Variants in XDH observed in about 807,000 individuals in gnomAD.
The protein encoded by XDH is xanthine dehydrogenase.
A neutral mutation model predicts 156.1 loss-of-function variants in XDH; 138 were observed. The ratio of observed to expected loss-of-function variants is 0.88; its 90% CI spans 0.77 to 1.02. The LOEUF is 1.02. Ranked by LOEUF, XDH falls within the 50% of genes least tolerant of loss-of-function variation. XDH has a pLI of 0.00. For synonymous variants in XDH, 669 were observed against 625.7 expected (o/e 1.07, Z -1.03); for missense variants, 1,849 against 1,684.9 (o/e 1.10, Z -1.71).
intron 11 of XDH, among the ~76,000 whole-genome samples, chr2:31,382,739 C>T (rs200162024): frequency 7.9e-5 from 12 of 152,126 alleles, no homozygotes; most frequent in East Asian, 5.8e-4. Context: ...GCCTATGAGT[C>T]GTGGAGTGCA....
intron 26 of XDH, among the ~76,000 whole-genome samples, chr2:31,349,337 C>G (rs1277087286): frequency 6.6e-6 from 1 of 152,206 alleles, no homozygotes; most frequent in Non-Finnish European, 1.5e-5. Context: ...AACTGAGGCC[C>G]AGGGACTCCC....
chr2:31,407,388 T>C (rs1272759516), intron 1 of XDH, among the ~76,000 whole-genome samples: 2 of 152,130 alleles, frequency 1.3e-5, no homozygotes, highest in Non-Finnish European at 1.5e-5. Flanking sequence ...ATGCAAGCCA[T>C]TCATGAGATA....
intron 30 of XDH, among the ~76,000 whole-genome samples, chr2:31,345,403 C>A (rs986983875): frequency 3.3e-5 from 5 of 152,148 alleles, no homozygotes; most frequent in African/African-American, 1.2e-4. Context: ...CATCCTATCC[C>A]TTGGACTATA....
At chr2:31,363,168 C>T (rs541532704) in intron 24 of XDH, among the ~76,000 whole-genome samples, 1 of 152,154 alleles carries the variant, frequency 6.6e-6, no homozygotes, top group African/African-American at 2.4e-5. Context: ...AAAAATTAGC[C>T]AGGCATAGGG....
chr2:31,395,334 A>G (rs1686874111), intron 6 of XDH, among the ~76,000 whole-genome samples: 1 of 152,056 alleles, frequency 6.6e-6, no homozygotes, highest in Non-Finnish European at 1.5e-5. Context: ...CCCTTCCCAC[A>G]GGTGAAAGAC....
At chr2:31,338,342 T>C (rs1330892058) in intron 34 of XDH, among the ~76,000 whole-genome samples, 2 of 152,210 alleles carry the variant, frequency 1.3e-5, no homozygotes, top group South Asian at 2.1e-4. Flanking sequence ...AGACCACCTA[T>C]ATCAGAATCA....
Position 31,341,310 on chromosome 2 carries a change from T to C in XDH, c.3585+19A>G, listed in dbSNP as rs1483205353. 6.4e-7 allele frequency: 1 copy of C among 1,560,334 alleles called. No individual in the cohort carries two copies. The highest frequency in any genetic ancestry group is 8.7e-7 in the Non-Finnish European group (1 of 1,150,392). On this transcript the variant is annotated intron_variant, in intron 33 of 35. Transcript: ENST00000379416. ...TCGGTGGCCAAGTCTGTCACCACCC[T>C]GGTCCCACTGAGCCTCACCTGTCCA...
chr2:31,370,280 G>T, intron 18 of XDH, 75 bp downstream of exon 18: 2 of 1,550,884 alleles, frequency 1.3e-6, no homozygotes. Context: ...CAGATCAGGA[G>T]TTTGGAGCAA....
intron 1 of XDH, 27 bp from the exon 2 acceptor site, chr2:31,405,991 T>C (rs768372824): frequency 1.9e-6 from 3 of 1,607,970 alleles, no homozygotes; most frequent in Non-Finnish European, 2.6e-6. Flanking sequence ...AAGAAAAATA[T>C]ATCATAGGTA....
At chr2:31,341,479 T>G in intron 32 of XDH, 85 bp from the exon 33 acceptor site, 1 of 1,391,610 alleles carries the variant, frequency 7.2e-7, no homozygotes, top group Non-Finnish European at 1.0e-6. Flanking sequence ...ACCCTCAGAC[T>G]ACAAGTGCCA....
intron 29 of XDH, among the ~76,000 whole-genome samples, chr2:31,347,201 C>T (rs1028096083): frequency 7.2e-5 from 11 of 152,186 alleles, no homozygotes; most frequent in African/African-American, 2.7e-4. Flanking sequence ...CCTCTATAAT[C>T]AAATTTCAGC....
intron 6 of XDH, among the ~76,000 whole-genome samples, chr2:31,392,486 G>T (rs979253483): frequency 6.6e-6 from 1 of 151,770 alleles, no homozygotes; most frequent in Non-Finnish European, 1.5e-5. Context: ...GTGCAATGGC[G>T]CAATCTTGGC....
At chr2:31,389,720 T>C (rs1373718942) in intron 6 of XDH, 1 of 152,168 alleles carries the variant, frequency 6.6e-6, no homozygotes, top group Non-Finnish European at 1.5e-5. Flanking sequence ...ATTACTGTGA[T>C]GTACAGTAAT....
In XDH at chr2:31,390,445, C is replaced by T. The variant is rs45557137; in HGVS notation, c.496-2150G>A. ...CATCTTGGTTGCATCTAAGTTTTGG[C>T]AATTATGAGTAAGGTTGTTGTAAGC... On this transcript the variant is annotated intron_variant, in intron 6 of 35. Coordinates refer to ENST00000379416, the MANE Select transcript of XDH (RefSeq NM_000379.4). Among the ~76,000 whole-genome samples, 615 of 152,290 alleles carry T rather than the reference C, an allele frequency of 4.0e-3. 4 individuals are homozygous for T. Among genetic ancestry groups the T allele is most frequent in the African/African-American group, 0.014 (592 of 41,556 alleles).
chr2:31,410,970 T>C (rs1017078576), intron 1 of XDH, among the ~76,000 whole-genome samples: 13 of 152,174 alleles, frequency 8.5e-5, no homozygotes, highest in African/African-American at 3.1e-4. Context: ...TTTCTATAAA[T>C]GGACTACAGT....
At chr2:31,388,428 G>T in intron 6 of XDH, 133 bp from the exon 7 acceptor site, 1 of 988,730 alleles carries the variant, frequency 1.0e-6, no homozygotes, top group Non-Finnish European at 1.6e-6. Flanking sequence ...GGGGCATCCT[G>T]CCTGCCTGTT....
intron 7 of XDH, 152 bp from the exon 8 acceptor site, chr2:31,388,049 AGT>A: frequency 9.1e-7 from 1 of 1,102,668 alleles, no homozygotes; most frequent in Non-Finnish European, 1.3e-6. Context: ...GGAATGAGAG[AGT>A]CTCAGTTACA....
At chr2:31,339,381 T>TCCTCAAGTCAAACC (rs1685058865) in intron 34 of XDH, 108 bp downstream of exon 34, 1 of 1,442,508 alleles carries the variant, frequency 6.9e-7, no homozygotes, top group Admixed American at 1.7e-5. Context: ...CTCCTCAAGA[T>TCCTCAAGTCAAACC]ATGCCCTTTG....
chr2:31,337,407 C>A (rs1684994578), intron 35 of XDH, among the ~76,000 whole-genome samples: 1 of 152,184 alleles, frequency 6.6e-6, no homozygotes, highest in Non-Finnish European at 1.5e-5. Context: ...ACACATTCCT[C>A]CCATCTCTAA....
Sources: gnomAD v4.1 joint callset for allele counts (sites outside exome capture counted in the v4.1 genomes callset) on GRCh38, gnomAD v4.1.1 for gene constraint, MANE v1.5 for transcripts, NCBI Gene and HGNC (gene_info 2026-07-23, HGNC 2026-07-21) for gene names.